The following ERVFRD-1 variants were observed in gnomAD, a reference collection of about 807,000 sequenced individuals.
ERVFRD-1 encodes the protein endogenous retrovirus group FRD member 1, envelope, also known as syncytin-2.
A neutral mutation model predicts 43.8 loss-of-function variants in ERVFRD-1; 33 were observed. The ratio of observed to expected loss-of-function variants is 0.75; its 90% CI spans 0.57 to 1.01. The LOEUF is 1.01. Ranked by LOEUF, ERVFRD-1 falls within the 50% of genes least tolerant of loss-of-function variation. ERVFRD-1 has a pLI of 0.00. For synonymous variants in ERVFRD-1, 239 were observed against 244.4 expected, an observed-to-expected ratio of 0.98 and a Z score of 0.21; for missense variants, 568 against 658.4, an observed-to-expected ratio of 0.86 and a Z score of 1.50.
At chr6:11,107,324 C>T (rs1388121692) in intron 1 of ERVFRD-1, among the ~76,000 whole-genome samples, 1 of 152,218 alleles carries the variant, frequency 6.6e-6, no homozygotes, top group Non-Finnish European at 1.5e-5. Flanking sequence ...AGTCTGTTTT[C>T]AGACACGTTG....
chr6:11,103,645 G>T lies in ERVFRD-1; in HGVS notation c.*49C>A. On this transcript the variant is annotated 3_prime_UTR_variant, in exon 2 of 2. Coordinates refer to ENST00000472091, the MANE Select transcript of ERVFRD-1 (RefSeq NM_207582.3). The stretch of plus-strand genomic sequence containing the variant: ...AGCCAGGTCCACGGGAGACGGGGCA[G>T]GATTTCGCCTCTGTCGTGTTCCACT... 6.7e-7 allele frequency: 1 copy of T among 1,491,520 alleles called. No individual in the cohort carries two copies. The highest frequency in any genetic ancestry group is 8.9e-7 in the Non-Finnish European group (1 of 1,118,830). 92.4% of individuals were successfully genotyped at this position (1,491,520 alleles called of 1,614,324 possible).
In ERVFRD-1 at chr6:11,104,390, T is replaced by C. The variant is rs1233296233; in HGVS notation, c.921A>G (p.Gln307=). 5.8e-6 allele frequency: 9 copies of C among 1,551,622 alleles called. No individual in the cohort carries two copies. The Admixed American group carries it at 1.4e-4, about 24-fold the overall frequency. Residue 307 remains glutamine, a synonymous_variant, in exon 2 of 2, where the codon CAA becomes CAG. Transcript: ENST00000472091. ...AFYICGQSIH[Q]CLPSNWTGTC... ...TTCCAGTCCAGTTACTGGGGAGGCA[T>C]TGGTGAATCGACTGGCCACAAATAT...
In ERVFRD-1 at chr6:11,103,785, T is replaced by G. The variant is rs1047811514; in HGVS notation, c.1526A>C (p.Gln509Pro). The change falls in exon 2 of 2, where the codon CAA becomes CCA. Residue 509 changes from glutamine (Q) to proline (P), a missense_variant. Coordinates refer to ENST00000472091, the MANE Select transcript of ERVFRD-1 (RefSeq NM_207582.3). ...GGCCTGAAGGCGAGAGGAGACAAATTGGGTTATTAGATTTAGGAGACATGG... is the reference window on the plus strand; with the variant it reads ...GGCCTGAAGGCGAGAGGAGACAAATGGGGTTATTAGATTTAGGAGACATGG... ...FGPCLLNLIT[Q>P]FVSSRLQAIK... is the part of the protein sequence containing the mutation. 3 of 1,551,422 alleles carry G rather than the reference T, an allele frequency of 1.9e-6. No homozygotes were observed. The East Asian group carries it at 7.3e-5, about 38-fold the overall frequency.
rs1335364355 is a variant in ERVFRD-1, at chr6:11,103,774, A to G, written c.1537T>C (p.Ser513Pro). The change falls in exon 2 of 2, where the codon TCT becomes CCT. Residue 513 changes from serine to proline, a missense_variant. Transcript: ENST00000472091. ...LLNLITQFVS[S>P]RLQAIKLQTN... Reference sequence around the variant, plus strand: ...TGGAGCTTTATGGCCTGAAGGCGAGAGGAGACAAATTGGGTTATTAGATTT... The same window carrying G: ...TGGAGCTTTATGGCCTGAAGGCGAGGGGAGACAAATTGGGTTATTAGATTT... 1 of 1,551,672 alleles carries G rather than the reference A, an allele frequency of 6.4e-7. No individual in the cohort carries two copies. Among genetic ancestry groups the G allele is most frequent in the Admixed American group, 2.0e-5 (1 of 50,990 alleles).
intron 1 of ERVFRD-1, among the ~76,000 whole-genome samples, chr6:11,108,141 T>C (rs774034037): frequency 6.6e-6 from 1 of 152,110 alleles, no homozygotes; most frequent in African/African-American, 2.4e-5. Context: ...CTGGCATCAC[T>C]AAAAATGAAT....
At position 11,104,755 on chromosome 6, in the gene ERVFRD-1, G is replaced by C. The variant is rs1353653553; in HGVS notation, c.556C>G (p.Leu186Val). Residue 186 changes from leucine (L) to valine (V), a missense_variant, in exon 2 of 2, where the codon CTA becomes GTA. By Grantham distance (32) the Leu-to-Val change is conservative. Coordinates refer to ENST00000472091, the MANE Select transcript of ERVFRD-1 (RefSeq NM_207582.3). ...PNITFPQGTLLDKSSRFCQGR... is the reference protein window; with the variant it reads ...PNITFPQGTLVDKSSRFCQGR... ...TGGCAAAACCGGCTGGATTTATCTA[G>C]CAAAGTTCCCTGAGGAAAAGTAATA... 1 of 1,614,214 alleles carries C rather than the reference G, an allele frequency of 6.2e-7. No individual in the cohort carries two copies. Among genetic ancestry groups the C allele is most frequent in the Non-Finnish European group, 8.5e-7 (1 of 1,180,042 alleles).
At chr6:11,106,564 A>G (rs374424075) in intron 1 of ERVFRD-1, among the ~76,000 whole-genome samples, 47 of 152,336 alleles carry the variant, frequency 3.1e-4, no homozygotes, top group East Asian at 1.9e-3. Flanking sequence ...TAGACGGAGA[A>G]GTTCTCCCAA....
intron 1 of ERVFRD-1, among the ~76,000 whole-genome samples, chr6:11,105,906 G>A (rs1758076591): frequency 6.6e-6 from 1 of 152,192 alleles, no homozygotes; most frequent in Non-Finnish European, 1.5e-5. Context: ...ATAAAGCCTT[G>A]AAGGGGCTTA....
intron 1 of ERVFRD-1, among the ~76,000 whole-genome samples, chr6:11,109,853 C>G (rs1242679607): frequency 6.6e-6 from 1 of 152,084 alleles, no homozygotes; most frequent in East Asian, 1.9e-4. Context: ...ACAGAGAGAA[C>G]AGAGGAGAGA....
chr6:11,104,526 A>G lies in ERVFRD-1; in HGVS notation c.785T>C (p.Ile262Thr), dbSNP rs779404885. Residue 262 changes from isoleucine (I) to threonine (T), a missense_variant, in exon 2 of 2, where the codon ATA becomes ACA. Coordinates refer to ENST00000472091, the MANE Select transcript of ERVFRD-1 (RefSeq NM_207582.3). ...PCVQVLAGMT[I>T]ATSYLGISAV... ...TGATATGCCCAGGTAGCTGGTGGCT[A>G]TAGTCATGCCTGCTAAGACTTGGAC... 137 of 1,572,596 alleles carry G rather than the reference A, an allele frequency of 8.7e-5. No individual in the cohort carries two copies. Among genetic ancestry groups the G allele is most frequent in the Middle Eastern group, 6.6e-4 (4 of 6,036 alleles).
In ERVFRD-1 at chr6:11,104,474, G is replaced by T; in HGVS notation, c.837C>A (p.Ser279=). ...ISAVSEFFGT[S]LTPLFHFHIS... is the part of the protein sequence containing the mutation. ...TATGGAAATGAAATAAGGGGGTGAG[G>T]GAGGTTCCAAAAAATTCTGAGACTG... The change falls in exon 2 of 2, where the codon TCC becomes TCA. Residue 279 remains serine (S), a synonymous_variant. Coordinates refer to ENST00000472091, the MANE Select transcript of ERVFRD-1 (RefSeq NM_207582.3). 17 of 1,552,756 alleles carry T rather than the reference G, an allele frequency of 1.1e-5. No individual in the cohort carries two copies. The highest frequency in any genetic ancestry group is 1.5e-5 in the Non-Finnish European group (17 of 1,147,462).
chr6:11,105,428 T>C lies in ERVFRD-1; in HGVS notation c.-118A>G, dbSNP rs1758071426. 1 of 718,772 alleles carries C rather than the reference T, an allele frequency of 1.4e-6. No individual in the cohort carries two copies. Among genetic ancestry groups the C allele is most frequent in the East Asian group, 2.7e-5 (1 of 36,952 alleles). The allele number at this position is 718,772 out of a possible 1,614,324, so 44.5% of individuals were successfully genotyped here. On this transcript the variant is annotated 5_prime_UTR_variant, in exon 2 of 2. Transcript: ENST00000472091. ...CAATTGCCAGTAAAATTTCTAGTATTGGGATCACCTTACTTTGAGGTGAAA... is the reference window on the plus strand; with the variant it reads ...CAATTGCCAGTAAAATTTCTAGTATCGGGATCACCTTACTTTGAGGTGAAA...
intron 1 of ERVFRD-1, among the ~76,000 whole-genome samples, chr6:11,106,364 C>T (rs987341784): frequency 6.6e-6 from 1 of 152,238 alleles, no homozygotes; most frequent in Admixed American, 6.5e-5. Flanking sequence ...ATTGGACTTA[C>T]TGATGGAGAG....
Position 11,104,277 on chromosome 6 carries a change from A to G in ERVFRD-1, c.1034T>C (p.Leu345Ser). 6.4e-7 allele frequency: 1 copy of G among 1,551,702 alleles called. No homozygotes were observed. Among genetic ancestry groups the G allele is most frequent in the East Asian group, 2.4e-5 (1 of 40,926 alleles). Residue 345 changes from leucine to serine, a missense_variant, in exon 2 of 2, where the codon TTG becomes TCG. Coordinates refer to ENST00000472091, the MANE Select transcript of ERVFRD-1 (RefSeq NM_207582.3). Reference sequence around the variant, plus strand: ...ATGGATTGCCCTCCTCACCCTGGGCAACGGGGAATTCCCATAGATTGGTAT... The same window carrying G: ...ATGGATTGCCCTCCTCACCCTGGGCGACGGGGAATTCCCATAGATTGGTAT... ...LPIPIYGNSP[L>S]PRVRRAIHFI...
rs747510057 is a variant in ERVFRD-1, at chr6:11,104,758, A to G, written c.553T>C (p.Leu185=). 8 of 1,614,242 alleles carry G rather than the reference A, an allele frequency of 5.0e-6. No individual in the cohort carries two copies. Among genetic ancestry groups the G allele is most frequent in the Non-Finnish European group, 5.9e-6 (7 of 1,180,038 alleles). Reference sequence around the variant, plus strand: ...CAAAACCGGCTGGATTTATCTAGCAAAGTTCCCTGAGGAAAAGTAATATTT... The same window carrying G: ...CAAAACCGGCTGGATTTATCTAGCAGAGTTCCCTGAGGAAAAGTAATATTT... ...PPNITFPQGT[L]LDKSSRFCQG... Residue 185 remains leucine, a synonymous_variant, in exon 2 of 2, where the codon TTG becomes CTG. Coordinates refer to ENST00000472091, the MANE Select transcript of ERVFRD-1 (RefSeq NM_207582.3).
At position 11,105,497 on chromosome 6, in the gene ERVFRD-1, T is replaced by A. The variant is rs576682104; in HGVS notation, c.-187A>T. On this transcript the variant is annotated 5_prime_UTR_variant, in exon 2 of 2. Coordinates refer to ENST00000472091, the MANE Select transcript of ERVFRD-1 (RefSeq NM_207582.3). ...ACTTATCTTTTTGTTTAAAGAGGAA[T>A]TTTAGATCTTCCAGTGCCTTGCAAG... The A allele has an allele frequency of 3.4e-6, 2 of 582,524 alleles. No homozygotes were observed. The highest frequency in any genetic ancestry group is 2.3e-5 in the South Asian group (1 of 43,846). 36.1% of individuals were successfully genotyped at this position (582,524 alleles called of 1,614,324 possible).
Position 11,105,258 on chromosome 6 carries a change from C to T in ERVFRD-1, c.53G>A (p.Arg18His), listed in dbSNP as rs768463887. ...TTCCAATAACGGGAAATCAGGATGGCGGTAGGCTGCTAGTGAAGGCGTGAG... is the reference window on the plus strand; with the variant it reads ...TTCCAATAACGGGAAATCAGGATGGTGGTAGGCTGCTAGTGAAGGCGTGAG... ...LILTPSLAAY[R>H]HPDFPLLEKA... is the part of the protein sequence containing the mutation. The change falls in exon 2 of 2, where the codon CGC (arginine) becomes CAC (histidine). Residue 18 changes from arginine to histidine, a missense_variant. Coordinates refer to ENST00000472091, the MANE Select transcript of ERVFRD-1 (RefSeq NM_207582.3). The T allele has an allele frequency of 3.5e-5, 57 of 1,613,874 alleles. No individual in the cohort carries two copies. The highest frequency in any genetic ancestry group is 2.7e-4 in the South Asian group (25 of 91,066).
In ERVFRD-1 at chr6:11,103,840, C is replaced by G; in HGVS notation, c.1471G>C (p.Val491Leu). 3 of 1,551,682 alleles carry G rather than the reference C, an allele frequency of 1.9e-6. No individual in the cohort carries two copies. The highest frequency in any genetic ancestry group is 2.6e-6 in the Non-Finnish European group (3 of 1,146,992). The change falls in exon 2 of 2, where the codon GTT (valine) becomes CTT (leucine). Residue 491 changes from valine (V) to leucine (L), a missense_variant. By Grantham distance (32) the Val-to-Leu change is conservative. Transcript: ENST00000472091. ...SWVLPLTGPL[V>L]SLLLLLLFGP... ...AAAAGGAGCAAAAGTAGGAGACTAACAAGTGGGCCTGTAAGGGGAAGAACC... is the reference window on the plus strand; with the variant it reads ...AAAAGGAGCAAAAGTAGGAGACTAAGAAGTGGGCCTGTAAGGGGAAGAACC...
Position 11,104,998 on chromosome 6 carries a change from G to A in ERVFRD-1, c.313C>T (p.Gln105Ter). Residue 105 changes from glutamine (Q) to a stop codon, truncating the protein, a stop_gained, in exon 2 of 2, where the codon CAG (glutamine) becomes TAG (stop). Coordinates refer to ENST00000472091, the MANE Select transcript of ERVFRD-1 (RefSeq NM_207582.3). LOFTEE classifies it high-confidence loss of function. ...ATGGGTCCGAAAATGGGAGGTTTCTGGCGGATATCAGGGAAATCTTGCTTT... is the reference window on the plus strand; with the variant it reads ...ATGGGTCCGAAAATGGGAGGTTTCTAGCGGATATCAGGGAAATCTTGCTTT... Reference protein sequence around the residue: ...TVKQDFPDIRQKPPIFGPIFT... With the variant: ...TVKQDFPDIR 1 of 1,614,202 alleles carries A rather than the reference G, an allele frequency of 6.2e-7. No individual in the cohort carries two copies. Among genetic ancestry groups the A allele is most frequent in the South Asian group, 1.1e-5 (1 of 91,086 alleles).
Sources: allele counts gnomAD v4.1 joint callset (sites outside exome capture counted in the v4.1 genomes callset), GRCh38; gene constraint gnomAD v4.1.1; transcripts MANE v1.5; gene names NCBI Gene and HGNC (gene_info 2026-07-23, HGNC 2026-07-21).